The following PXDC1 variants were observed in gnomAD, a reference collection of about 807,000 sequenced individuals.
PXDC1 encodes the protein PX domain-containing protein 1.
A neutral mutation model predicts 24.4 loss-of-function variants in PXDC1; 13 were observed. That is an observed-to-expected ratio of 0.53 (90% CI 0.35 to 0.85). The LOEUF is 0.85. PXDC1 is among the 40% of genes least tolerant of loss of function. PXDC1 has a pLI of 0.01. For missense variants in PXDC1, 344 were observed against 309.3 expected (o/e 1.11, Z -0.84); for synonymous variants, 162 against 124.9 (o/e 1.30, Z -1.98).
chr6:3,731,947 T>C (rs2127598818), intron 3 of PXDC1, among the ~76,000 whole-genome samples: 1 of 152,344 alleles, frequency 6.6e-6, no homozygotes, highest in East Asian at 1.9e-4. Context: ...GTGGAGTGCC[T>C]GGTGAGGAGG....
chr6:3,736,761 C>A (rs539767490), intron 3 of PXDC1, among the ~76,000 whole-genome samples: 7 of 152,350 alleles, frequency 4.6e-5, no homozygotes, highest in African/African-American at 1.4e-4. Context: ...CTCACTTCAG[C>A]AGGCTGAACA....
At chr6:3,749,197 C>G (rs943809182) in intron 1 of PXDC1, among the ~76,000 whole-genome samples, 1 of 151,798 alleles carries the variant, frequency 6.6e-6, no homozygotes, top group African/African-American at 2.4e-5. Flanking sequence ...CCCTCTTCAC[C>G]CCCTCCAGGG....
chr6:3,751,286 C>G lies in PXDC1; in HGVS notation c.246G>C (p.Pro82=), dbSNP rs765927477. The G allele has an allele frequency of 1.3e-6, 2 of 1,519,910 alleles. No individual in the cohort carries two copies. Among genetic ancestry groups the G allele is most frequent in the African/African-American group, 2.8e-5 (2 of 70,294 alleles). The allele number at this position is 1,519,910 out of a possible 1,614,324, so 94.2% of individuals were successfully genotyped here. ...PEDRSELAQG[P]LRQGLVAIKE... ...TCCCCGGCCCCGCACCTTGCCGCAG[C>G]GGCCCCTGCGCCAGTTCGGACCGGT... Residue 82 remains proline, a synonymous_variant, in exon 1 of 5, where the codon CCG becomes CCC. Coordinates refer to ENST00000380283, the MANE Select transcript of PXDC1 (RefSeq NM_183373.4).
intron 1 of PXDC1, among the ~76,000 whole-genome samples, chr6:3,744,045 G>A (rs1362105793): frequency 6.6e-6 from 1 of 152,216 alleles, no homozygotes; most frequent in African/African-American, 2.4e-5. Flanking sequence ...TAGAGCGACT[G>A]GGAAAGAAAT....
At chr6:3,750,813 G>C (rs1256220226) in intron 1 of PXDC1, among the ~76,000 whole-genome samples, 1 of 152,114 alleles carries the variant, frequency 6.6e-6, no homozygotes, top group Admixed American at 6.5e-5. Context: ...GGGAGAACTC[G>C]GGGCGGCGGC....
At chr6:3,733,604 ACACT>A (rs1760250608) in intron 3 of PXDC1, among the ~76,000 whole-genome samples, 1 of 152,044 alleles carries the variant, frequency 6.6e-6, no homozygotes, top group Non-Finnish European at 1.5e-5. Flanking sequence ...AGAGGAGGAA[ACACT>A]CAGAGCACTT....
At chr6:3,736,291 C>T (rs919692365) in intron 3 of PXDC1, among the ~76,000 whole-genome samples, 1 of 152,212 alleles carries the variant, frequency 6.6e-6, no homozygotes. Flanking sequence ...CACAGGCCCC[C>T]TGCTCTCCTT....
intron 1 of PXDC1, chr6:3,738,689 T>C: frequency 1.0e-6 from 1 of 959,930 alleles, no homozygotes; most frequent in Non-Finnish European, 1.4e-6. Context: ...AAAACCAAAG[T>C]GGACACGACT....
chr6:3,750,326 G>A (rs1478529864), intron 1 of PXDC1, among the ~76,000 whole-genome samples: 2 of 152,308 alleles, frequency 1.3e-5, no homozygotes, highest in African/African-American at 4.8e-5. Context: ...AAGGCTGCTG[G>A]GCCACTGTCC....
At position 3,725,041 on chromosome 6, in the gene PXDC1, T is replaced by C. The variant is rs1459129226; in HGVS notation, c.579-1305A>G. On this transcript the variant is annotated intron_variant, in intron 4 of 4. Coordinates refer to ENST00000380283, the MANE Select transcript of PXDC1 (RefSeq NM_183373.4). The surrounding 1 kb of genome is among the most constrained non-coding windows in gnomAD (Gnocchi z 4.8). ...AGGCCGCGGCACAAAGAGCCCTAGCTGTGGGTGGGAAAGCTATGGGGGGCT... is the reference window on the plus strand; with the variant it reads ...AGGCCGCGGCACAAAGAGCCCTAGCCGTGGGTGGGAAAGCTATGGGGGGCT... Among the ~76,000 whole-genome samples, 1 of 152,080 alleles carries C rather than the reference T, an allele frequency of 6.6e-6. No homozygotes were observed. The highest frequency in any genetic ancestry group is 2.4e-5 in the African/African-American group (1 of 41,402).
rs531370222 is a variant in PXDC1, at chr6:3,723,490, G to A, written c.*129C>T. The A allele has an allele frequency of 1.6e-5, 12 of 741,464 alleles. No homozygotes were observed. The highest frequency in any genetic ancestry group is 1.0e-4 in the South Asian group (6 of 60,298). 45.9% of individuals were successfully genotyped at this position (741,464 alleles called of 1,614,324 possible). A position where few individuals can be genotyped will look rare whatever the true frequency, so the allele number is the denominator to read the frequency against. ...TTGCAGGACACCCAGGCCTCCTGGC[G>A]TCAGTGGGGCCTGGGACGTCTGGGA... On this transcript the variant is annotated 3_prime_UTR_variant, in exon 5 of 5. Transcript: ENST00000380283.
intron 3 of PXDC1, among the ~76,000 whole-genome samples, chr6:3,736,439 T>G (rs540845355): frequency 6.6e-6 from 1 of 152,324 alleles, no homozygotes; most frequent in African/African-American, 2.4e-5. Context: ...TGATTGCCAC[T>G]TGCTTGGGAA....
chr6:3,747,879 G>A (rs559041903), intron 1 of PXDC1, among the ~76,000 whole-genome samples: 39 of 152,270 alleles, frequency 2.6e-4, no homozygotes, highest in African/African-American at 8.7e-4. Flanking sequence ...ACATGTGGTA[G>A]GCACTATGCA....
intron 1 of PXDC1, among the ~76,000 whole-genome samples, chr6:3,744,154 C>T (rs984825688): frequency 6.6e-6 from 1 of 152,208 alleles, no homozygotes; most frequent in Non-Finnish European, 1.5e-5. Flanking sequence ...AAATCCTCTT[C>T]CTAAATTTTA....
intron 4 of PXDC1, among the ~76,000 whole-genome samples, chr6:3,723,957 A>G (rs1036717742): frequency 6.6e-6 from 1 of 152,214 alleles, no homozygotes; most frequent in Non-Finnish European, 1.5e-5. Flanking sequence ...GACAACCCTT[A>G]GCGAGGCCTT....
intron 3 of PXDC1, 148 bp from the exon 4 acceptor site, chr6:3,727,810 G>A (rs978525947): frequency 6.5e-6 from 4 of 613,058 alleles, no homozygotes; most frequent in Non-Finnish European, 1.2e-5. Flanking sequence ...GTGCACCCGA[G>A]ACCCATTCAG....
chr6:3,738,114 C>G lies in PXDC1; in HGVS notation c.291G>C (p.Glu97Asp), dbSNP rs767417511. 1.2e-6 allele frequency: 2 copies of G among 1,614,154 alleles called. No homozygotes were observed. Among genetic ancestry groups the G allele is most frequent in the Non-Finnish European group, 8.5e-7 (1 of 1,180,024 alleles). Residue 97 changes from glutamate to aspartate, a missense_variant, in exon 2 of 5, where the codon GAG (glutamate) becomes GAC (aspartate). By Grantham distance (45) the Glu-to-Asp change is conservative. Transcript: ENST00000380283. ...GCTTCTCCACCTCATTAAGCCTGGTCTCTATGTCGTGGGCTTCCTTTATGG... is the reference window on the plus strand; with the variant it reads ...GCTTCTCCACCTCATTAAGCCTGGTGTCTATGTCGTGGGCTTCCTTTATGG... Reference protein sequence around the residue: ...LVAIKEAHDIETRLNEVEKLL... With the variant: ...LVAIKEAHDIDTRLNEVEKLL...
intron 4 of PXDC1, among the ~76,000 whole-genome samples, chr6:3,727,207 C>T (rs1031941673): frequency 6.6e-6 from 1 of 152,238 alleles, no homozygotes; most frequent in African/African-American, 2.4e-5. Flanking sequence ...GCAAACATGT[C>T]CCCATCTCAG....
At chr6:3,750,219 T>C (rs111613973) in intron 1 of PXDC1, among the ~76,000 whole-genome samples, 5,043 of 152,304 alleles carry the variant, frequency 0.033, 293 homozygotes, top group African/African-American at 0.12. Context: ...CGCAGCCAGA[T>C]AGGAGGCTGG....
Sources: gnomAD v4.1 joint callset for allele counts (sites outside exome capture counted in the v4.1 genomes callset) on GRCh38, gnomAD v4.1.1 for gene constraint, Gnocchi (gnomAD v3.1) non-coding constraint, MANE v1.5 for transcripts, NCBI Gene and HGNC (gene_info 2026-07-23, HGNC 2026-07-21) for gene names.